Variants in RAD51B observed in about 807,000 individuals in gnomAD.
The protein encoded by RAD51B is DNA repair protein RAD51 homolog 2.
RAD51B carries 38 observed loss-of-function variants against 42.2 expected under a neutral mutation model. That is an observed-to-expected ratio of 0.90 (90% CI 0.70 to 1.18). The LOEUF (loss-of-function observed/expected upper bound fraction) is 1.18, where lower values mean the gene tolerates loss of function less well. Among genes scored for constraint, RAD51B ranks in the 50% most tolerant of loss-of-function variants. The pLI, the probability that RAD51B is intolerant of heterozygous loss-of-function variation, is 0.00. For synonymous variants in RAD51B, 154 were observed against 145.2 expected (o/e 1.06, Z -0.43); for missense variants, 373 against 400.7 (o/e 0.93, Z 0.59).
intron 7 of RAD51B, among the ~76,000 whole-genome samples, chr14:67,889,489 G>A (rs2043155437): frequency 6.7e-6 from 1 of 148,570 alleles, no homozygotes; most frequent in Admixed American, 6.7e-5. Context: ...CTCACAGATT[G>A]TCTTGAAATA....
intron 10 of RAD51B, among the ~76,000 whole-genome samples, chr14:68,567,741 T>C (rs1889494547): frequency 6.6e-6 from 1 of 152,240 alleles, no homozygotes; most frequent in Non-Finnish European, 1.5e-5. Flanking sequence ...GTAATCTGCA[T>C]AGATCTCCCT....
intron 7 of RAD51B, among the ~76,000 whole-genome samples, chr14:68,123,808 A>C (rs776565806): frequency 1.3e-5 from 2 of 152,176 alleles, no homozygotes; most frequent in Non-Finnish European, 2.9e-5. Context: ...ACTCCGTCTC[A>C]AAAAAACAAA....
chr14:68,659,315 G>A (rs570151025), intron 11 of RAD51B, among the ~76,000 whole-genome samples: 11 of 152,332 alleles, frequency 7.2e-5, no homozygotes, highest in African/African-American at 1.9e-4. Flanking sequence ...AGGGAGTCAC[G>A]CTGGGGAAGG....
At chr14:68,332,606 T>C (rs970493323) in intron 8 of RAD51B, among the ~76,000 whole-genome samples, 14 of 152,220 alleles carry the variant, frequency 9.2e-5, no homozygotes, top group Non-Finnish European at 1.8e-4. Flanking sequence ...AGCTTATAAC[T>C]ATGTATTCAC....
chr14:67,851,871 G>A (rs2041818385), intron 4 of RAD51B, among the ~76,000 whole-genome samples: 1 of 152,076 alleles, frequency 6.6e-6, no homozygotes, highest in Admixed American at 6.5e-5. Flanking sequence ...GGGTAGGGGT[G>A]CCTGTGCTGG....
chr14:68,132,963 A>G (rs1446043440), intron 7 of RAD51B, among the ~76,000 whole-genome samples: 2 of 152,222 alleles, frequency 1.3e-5, no homozygotes, highest in Admixed American at 6.5e-5. Flanking sequence ...GTTTGGTTCC[A>G]GTGCCTTCTC....
At chr14:68,100,310 G>C (rs1273916496) in intron 7 of RAD51B, among the ~76,000 whole-genome samples, 1 of 152,188 alleles carries the variant, frequency 6.6e-6, no homozygotes, top group Admixed American at 6.5e-5. Flanking sequence ...ACTCTGGCCT[G>C]TTGCACAGAG....
chr14:68,088,702 G>C (rs563262325), intron 7 of RAD51B, among the ~76,000 whole-genome samples: 21 of 148,006 alleles, frequency 1.4e-4, no homozygotes, highest in South Asian at 4.4e-4. Flanking sequence ...TGAAGGAAGT[G>C]GGGGAGAGAA....
intron 7 of RAD51B, among the ~76,000 whole-genome samples, chr14:68,174,630 G>T (rs1318122848): frequency 6.6e-6 from 1 of 152,134 alleles, no homozygotes; most frequent in Non-Finnish European, 1.5e-5. Flanking sequence ...CCATCCAATG[G>T]GGCCAAGATG....
intron 4 of RAD51B, among the ~76,000 whole-genome samples, chr14:67,862,029 T>A (rs752021400): frequency 2.0e-5 from 3 of 152,082 alleles, no homozygotes; most frequent in Non-Finnish European, 2.9e-5. Context: ...GGTCTCAAGT[T>A]TGTTAGACAG....
At chr14:68,380,553 A>G (rs975366603) in intron 8 of RAD51B, among the ~76,000 whole-genome samples, 2 of 152,208 alleles carry the variant, frequency 1.3e-5, no homozygotes, top group African/African-American at 4.8e-5. Context: ...AATTCCCCAC[A>G]GAGAGATGGA....
At chr14:68,054,005 C>T (rs183894243) in intron 7 of RAD51B, among the ~76,000 whole-genome samples, 73 of 152,274 alleles carry the variant, frequency 4.8e-4, no homozygotes, top group African/African-American at 1.7e-3. Flanking sequence ...CACTTTTTCC[C>T]TCTGAATTTT....
At chr14:68,461,980 G>T (rs992419560) in intron 9 of RAD51B, among the ~76,000 whole-genome samples, 1 of 152,210 alleles carries the variant, frequency 6.6e-6, no homozygotes, top group African/African-American at 2.4e-5. Flanking sequence ...GAAGATGCCT[G>T]CCCATCATTC....
chr14:67,889,621 C>T (rs1324340579), intron 7 of RAD51B, among the ~76,000 whole-genome samples: 2 of 146,286 alleles, frequency 1.4e-5, no homozygotes, highest in East Asian at 1.9e-4. Flanking sequence ...TAGAAAACCT[C>T]GTCTTTTGGG....
intron 7 of RAD51B, among the ~76,000 whole-genome samples, chr14:68,070,677 G>A (rs2076726876): frequency 6.6e-6 from 1 of 152,096 alleles, no homozygotes; most frequent in Admixed American, 6.6e-5. Flanking sequence ...TTTAGTTACT[G>A]TAGCCTTGTA....
rs116722540 is a variant in RAD51B at position 68,675,672 on chromosome 14, C to T, written c.*11+24816C>T. Reference sequence around the variant, plus strand: ...TAATTCATTCTATTCCATTGTGGTACACACATCAGATTAAGGTAGATACTG... The same window carrying T: ...TAATTCATTCTATTCCATTGTGGTATACACATCAGATTAAGGTAGATACTG... On this transcript the variant is annotated intron_variant, in intron 11 of 11. Transcript: ENST00000488612. Among the ~76,000 whole-genome samples, 1,519 of 152,312 alleles carry T rather than the reference C, an allele frequency of 1.0e-2. 20 individuals carry two copies. Among genetic ancestry groups the T allele is most frequent in the African/African-American group, 0.034 (1,399 of 41,552 alleles).
At chr14:68,222,531 G>T (rs548956011) in intron 7 of RAD51B, among the ~76,000 whole-genome samples, 1 of 143,780 alleles carries the variant, frequency 7.0e-6, no homozygotes, top group South Asian at 2.2e-4. Context: ...TGCGGGAAAA[G>T]GTTGGGGTGG....
chr14:67,918,319 C>G (rs2044220646), intron 7 of RAD51B, among the ~76,000 whole-genome samples: 1 of 152,134 alleles, frequency 6.6e-6, no homozygotes, highest in African/African-American at 2.4e-5. Flanking sequence ...ACTGCAACCT[C>G]CACCTCCAGG....
chr14:67,874,322 G>C (rs1045435599), intron 5 of RAD51B, among the ~76,000 whole-genome samples: 4 of 152,158 alleles, frequency 2.6e-5, no homozygotes, highest in Non-Finnish European at 5.9e-5. Flanking sequence ...TAACAGGTTT[G>C]TTGAACCCAC....
Sources: allele counts gnomAD v4.1 joint callset (sites outside exome capture counted in the v4.1 genomes callset), GRCh38; gene constraint gnomAD v4.1.1; transcripts MANE v1.5; gene names NCBI Gene and HGNC (gene_info 2026-07-23, HGNC 2026-07-21).